Variants in ABR observed in about 807,000 individuals in gnomAD.
ABR encodes ABR activator of RhoGEF and GTPase.
ABR carries 35 observed loss-of-function variants against 107.2 expected under a neutral mutation model. That is an observed-to-expected ratio of 0.33 (90% CI 0.25 to 0.43). ABR has a LOEUF of 0.43. Among genes scored for constraint, ABR ranks in the 20% least tolerant of loss-of-function variants. The pLI is 1.00. For missense variants in ABR, 815 were observed against 1,115.2 expected (o/e 0.73, Z 3.83); for synonymous variants, 498 against 462.0 (o/e 1.08, Z -1.00).
chr17:1,023,098 T>TCTGCCGGCCCCATGTCCACTGCAGAGCCA (rs2071839926), intron 16 of ABR, among the ~76,000 whole-genome samples: 1 of 89,712 alleles, frequency 1.1e-5, no homozygotes, highest in Admixed American at 1.3e-4. Flanking sequence ...CTGCAGAGCC[T>TCTGCCGGCCCCATGTCCACTGCAGAGCCA]CTGCCGGCCC....
chr17:1,174,038 T>C (rs947795550), intron 1 of ABR, among the ~76,000 whole-genome samples: 1 of 152,206 alleles, frequency 6.6e-6, no homozygotes, highest in Non-Finnish European at 1.5e-5. Context: ...AAGCAGATCA[T>C]ACCTCAGACA....
At chr17:1,090,951 G>A (rs1172990689) in intron 4 of ABR, among the ~76,000 whole-genome samples, 1 of 152,134 alleles carries the variant, frequency 6.6e-6, no homozygotes, top group African/African-American at 2.4e-5. Context: ...AGATGGGGCA[G>A]AGCTGGGGGA....
At chr17:1,159,033 A>G (rs983478803) in intron 1 of ABR, among the ~76,000 whole-genome samples, 20 of 152,256 alleles carry the variant, frequency 1.3e-4, no homozygotes, top group Admixed American at 1.2e-3. Context: ...TTGGACCCAC[A>G]GCAGCCTGGT....
chr17:1,074,312 TGC>T (rs2035521384), intron 6 of ABR, among the ~76,000 whole-genome samples: 2 of 137,080 alleles, frequency 1.5e-5, no homozygotes, highest in African/African-American at 5.7e-5. Flanking sequence ...AGCCATGCCC[TGC>T]AGAGTCTAGC....
intron 1 of ABR, among the ~76,000 whole-genome samples, chr17:1,129,001 ATC>A (rs1392338344): frequency 6.6e-6 from 1 of 152,216 alleles, no homozygotes; most frequent in Non-Finnish European, 1.5e-5. Flanking sequence ...TTTTTCTATT[ATC>A]TGCAGTCAAA....
chr17:1,213,223 A>C (rs1451976929), intron 1 of ABR, among the ~76,000 whole-genome samples: 1 of 152,196 alleles, frequency 6.6e-6, no homozygotes, highest in Non-Finnish European at 1.5e-5. Context: ...GAAGCTGCAG[A>C]TTCTGTTTTT....
At chr17:1,013,031 C>T (rs150193335) in intron 17 of ABR, 74 bp downstream of exon 17, 47 of 1,556,354 alleles carry the variant, frequency 3.0e-5, no homozygotes, top group Non-Finnish European at 4.0e-5. Flanking sequence ...AGCCACAGGG[C>T]CGGGCTGCCC....
In ABR at chr17:1,079,010, G is replaced by A. The variant is rs1332502721; in HGVS notation, c.700+320C>T. On this transcript the variant is annotated intron_variant, in intron 6 of 22. Coordinates refer to ENST00000302538, the MANE Select transcript of ABR (RefSeq NM_021962.5). ...CTCCGGAGTGCTCTTCCAGCAAGGG[G>A]GAGGGGAGGGAGGCGCGTGGCGAGG... 4 of 1,460,296 alleles carry A rather than the reference G, an allele frequency of 2.7e-6. No homozygotes were observed. In the African/African-American group the frequency reaches 4.2e-5, roughly 15 times the overall value. The allele number at this position is 1,460,296 out of a possible 1,614,324, so 90.5% of individuals were successfully genotyped here. A position where few individuals can be genotyped will look rare whatever the true frequency, so the allele number is the denominator to read the frequency against.
chr17:1,133,681 G>A (rs1326100650), intron 1 of ABR, among the ~76,000 whole-genome samples: 4 of 152,058 alleles, frequency 2.6e-5, no homozygotes, highest in South Asian at 2.1e-4. Flanking sequence ...ATTAATGTAC[G>A]GTCTCTGCGC....
intron 16 of ABR, among the ~76,000 whole-genome samples, chr17:1,040,334 C>T (rs941397302): frequency 6.6e-6 from 1 of 152,236 alleles, no homozygotes; most frequent in African/African-American, 2.4e-5. Flanking sequence ...TGCAAGCTTC[C>T]TCGTGCTCTC....
intron 16 of ABR, among the ~76,000 whole-genome samples, chr17:1,018,142 A>C (rs1301811239): frequency 6.6e-6 from 1 of 151,808 alleles, no homozygotes; most frequent in Non-Finnish European, 1.5e-5. Context: ...TCCCGGGTTC[A>C]CGCCATTCTC....
intron 4 of ABR, among the ~76,000 whole-genome samples, chr17:1,087,324 G>A (rs1645243514): frequency 1.1e-4 from 16 of 152,154 alleles, no homozygotes; most frequent in Admixed American, 9.8e-4. Flanking sequence ...GGTAGGGGTG[G>A]GGGCAGGCTG....
upstream of ABR, among the ~76,000 whole-genome samples, chr17:1,182,815 C>A (rs776151413): frequency 2.0e-5 from 3 of 152,198 alleles, no homozygotes; most frequent in Non-Finnish European, 2.9e-5. Context: ...CATCTCCAGA[C>A]GTCTGTCTCA....
rs959783170 is a variant in ABR at position 1,011,608 on chromosome 17, T to A, written c.2101+238A>T. Reference sequence around the variant, plus strand: ...TAAGTCCAGAACCAAAACCTACAAGTTGGGTCATCCTGGGCAAGTGAGTCG... The same window carrying A: ...TAAGTCCAGAACCAAAACCTACAAGATGGGTCATCCTGGGCAAGTGAGTCG... On this transcript the variant is annotated intron_variant, in intron 19 of 22. Transcript: ENST00000302538. This position sits in a 1 kb window ranked among gnomAD's most constrained non-coding sequence, Gnocchi z 4.8. 1.5e-5 allele frequency: 6 copies of A among 389,002 alleles called. No individual in the cohort carries two copies. The highest frequency in any genetic ancestry group is 2.3e-5 in the Non-Finnish European group (5 of 221,596). 24.1% of individuals were successfully genotyped at this position (389,002 alleles called of 1,614,324 possible).
At chr17:1,221,628 C>CT (rs1302938969) in intron 1 of ABR, among the ~76,000 whole-genome samples, 3 of 152,138 alleles carry the variant, frequency 2.0e-5, no homozygotes, top group Admixed American at 2.0e-4. Flanking sequence ...AAAATCAGCC[C>CT]TTAAAGGAGG....
intron 16 of ABR, among the ~76,000 whole-genome samples, chr17:1,036,799 C>T (rs543499566): frequency 6.6e-6 from 1 of 152,220 alleles, no homozygotes; most frequent in South Asian, 2.1e-4. Flanking sequence ...CTAACCAAAA[C>T]CTGCGGACTG....
intron 1 of ABR, among the ~76,000 whole-genome samples, chr17:1,186,313 C>A (rs2042295959): frequency 6.6e-6 from 1 of 152,250 alleles, no homozygotes; most frequent in Non-Finnish European, 1.5e-5. Flanking sequence ...CCAGTGAGAT[C>A]TACAGGCAAC....
chr17:1,158,167 T>C (rs1466831012), intron 1 of ABR, among the ~76,000 whole-genome samples: 1 of 152,138 alleles, frequency 6.6e-6, no homozygotes, highest in Non-Finnish European at 1.5e-5. Flanking sequence ...AAGATGAACC[T>C]AAAAACATAA....
chr17:1,102,632 A>G (rs1349678673), intron 2 of ABR, among the ~76,000 whole-genome samples: 1 of 152,256 alleles, frequency 6.6e-6, no homozygotes, highest in Non-Finnish European at 1.5e-5. Flanking sequence ...GTATGGCCGC[A>G]GGCTGGAAAA....
Sources: allele counts gnomAD v4.1 joint callset (sites outside exome capture counted in the v4.1 genomes callset), GRCh38; gene constraint gnomAD v4.1.1; non-coding constraint Gnocchi (gnomAD v3.1); transcripts MANE v1.5; gene names NCBI Gene and HGNC (gene_info 2026-07-23, HGNC 2026-07-21).